TMPRSS6: variants seen among roughly 807,000 people sequenced by gnomAD.
The protein encoded by TMPRSS6 is transmembrane serine protease 6.
Under a neutral mutation model 101.5 loss-of-function variants are expected in TMPRSS6, and 67 were observed. The observed-to-expected ratio is 0.66, with a 90% CI of 0.54 to 0.81. The LOEUF (loss-of-function observed/expected upper bound fraction) is 0.81, where lower values mean the gene tolerates loss of function less well. Among genes scored for constraint, TMPRSS6 ranks in the 30% least tolerant of loss-of-function variants. The probability of loss-of-function intolerance (pLI) is 0.00; values close to 1 mark genes in which losing one functional copy is unlikely to be tolerated. For missense variants in TMPRSS6, 1,034 were observed against 1,088.7 expected (o/e 0.95, Z 0.71); for synonymous variants, 453 against 464.9 (o/e 0.97, Z 0.33).
intron 5 of TMPRSS6, 85 bp downstream of exon 5, chr22:37,095,821 G>T: frequency 6.4e-7 from 1 of 1,559,674 alleles, no homozygotes. Flanking sequence ...CCCCAGGCCT[G>T]GCAGGCAGCC....
At chr22:37,105,718 G>A (rs1930674367) in intron 1 of TMPRSS6, among the ~76,000 whole-genome samples, 1 of 152,218 alleles carries the variant, frequency 6.6e-6, no homozygotes, top group Non-Finnish European at 1.5e-5. Flanking sequence ...CACCCAGGCT[G>A]GAGTATGGTA....
intron 3 of TMPRSS6, 73 bp from the exon 4 acceptor site, chr22:37,096,788 C>T (rs1929804230): frequency 1.4e-6 from 2 of 1,421,696 alleles, no homozygotes; most frequent in Non-Finnish European, 1.9e-6. Context: ...CCTGGAGGTG[C>T]CCTTTGCTCC....
intron 6 of TMPRSS6, among the ~76,000 whole-genome samples, chr22:37,093,551 C>T (rs1370394992): frequency 2.7e-5 from 4 of 150,354 alleles, no homozygotes; most frequent in African/African-American, 7.3e-5. Flanking sequence ...TACAGGTGCG[C>T]ACCACCATGC....
chr22:37,084,157 C>G, intron 10 of TMPRSS6, 138 bp downstream of exon 10: 1 of 780,394 alleles, frequency 1.3e-6, no homozygotes, highest in Non-Finnish European at 2.2e-6. Flanking sequence ...CTGACACCAG[C>G]CCCAGCCTCT....
chr22:37,072,742 CGGATGGATGGAT>C (rs556556999), intron 13 of TMPRSS6, among the ~76,000 whole-genome samples: 4 of 55,572 alleles, frequency 7.2e-5, no homozygotes, highest in African/African-American at 3.0e-4. Context: ...GGATGATGGA[CGGATGGATGGAT>C]GGATAGATGG....
intron 6 of TMPRSS6, among the ~76,000 whole-genome samples, chr22:37,094,974 C>T (rs1049941671): frequency 6.6e-6 from 1 of 152,278 alleles, no homozygotes; most frequent in South Asian, 2.1e-4. Context: ...CCTTGTGCAG[C>T]GTGGTGACTG....
In TMPRSS6 at chr22:37,084,816, C is replaced by A. The variant is rs1464560925; in HGVS notation, c.997G>T (p.Asp333Tyr). Residue 333 changes from aspartate (D) to tyrosine (Y), a missense_variant, in exon 9 of 18, where the codon GAC becomes TAC. Transcript: ENST00000676104. ...FQACEVNLTL[D>Y]NRLDSQGVLS... ...ACGCCCTGGGAGTCGAGCCTGTTGT[C>A]CAGCGTCAGGTTCACTTCACAGGCT... is the stretch of plus-strand genomic sequence containing the variant. The A allele has an allele frequency of 1.3e-6, 2 of 1,557,106 alleles. No individual in the cohort carries two copies. Among genetic ancestry groups the A allele is most frequent in the East Asian group, 4.8e-5 (2 of 41,704 alleles).
chr22:37,087,076 C>T (rs1018745993), intron 7 of TMPRSS6, among the ~76,000 whole-genome samples: 2 of 152,148 alleles, frequency 1.3e-5, no homozygotes, highest in Admixed American at 6.5e-5. Context: ...CAGAGATAGG[C>T]CTGCGCTAGG....
In TMPRSS6 at chr22:37,084,402, C is replaced by T. The variant is rs757116898; in HGVS notation, c.1089G>A (p.Val363=). The T allele has an allele frequency of 1.2e-6, 2 of 1,610,940 alleles. No individual in the cohort carries two copies. The highest frequency in any genetic ancestry group is 1.1e-5 in the South Asian group (1 of 90,472). ...GGGCCAAGCCGTAGTCCAGAGAGGGCACCTGGGAGGGAGGAGCGGGCCATC... is the reference window on the plus strand; with the variant it reads ...GGGCCAAGCCGTAGTCCAGAGAGGGTACCTGGGAGGGAGGAGCGGGCCATC... The part of the protein sequence containing the change: ...PQTHCSWHLT[V]PSLDYGLALW... The change falls in exon 10 of 18, where the codon GTG becomes GTA. Residue 363 remains valine (V), a splice_region_variant and synonymous_variant. Coordinates refer to ENST00000676104, the MANE Select transcript of TMPRSS6 (RefSeq NM_001374504.1).
Position 37,084,744 on chromosome 22 carries a change from A to T in TMPRSS6, c.1069T>A (p.Cys357Ser), listed in dbSNP as rs886057492. ...FPSYYSPQTH[C>S]SWHLTVPSLD... ...GGTCTCACCGTGAGGTGCCAGGAGC[A>T]GTGGGTTTGGGGCGAGTAGTAGCTG... is the stretch of plus-strand genomic sequence containing the variant. The change falls in exon 9 of 18, where the codon TGC becomes AGC. Residue 357 changes from cysteine to serine, a missense_variant. Transcript: ENST00000676104. 6.4e-7 allele frequency: 1 copy of T among 1,564,442 alleles called. No individual in the cohort carries two copies. Among genetic ancestry groups the T allele is most frequent in the Non-Finnish European group, 8.7e-7 (1 of 1,154,158 alleles).
intron 15 of TMPRSS6, among the ~76,000 whole-genome samples, 172 bp downstream of exon 15, chr22:37,070,312 G>A (rs887943845): frequency 1.3e-5 from 2 of 152,130 alleles, no homozygotes; most frequent in Non-Finnish European, 2.9e-5. Context: ...ATGTGTCCGG[G>A]GACCCAGAAG....
In TMPRSS6 at chr22:37,103,261, G is replaced by T. The variant is rs199752618; in HGVS notation, c.157C>A (p.Leu53Met). 1.8e-5 allele frequency: 29 copies of T among 1,614,016 alleles called. No homozygotes were observed. Among genetic ancestry groups the T allele is most frequent in the Non-Finnish European group, 2.3e-5 (27 of 1,179,978 alleles). ...ACCCCCGCCGAAGCCAGCACGAGCA[G>T]GGCCAGCAGCACAAACAGGGGCACC... Reference protein sequence around the residue: ...RLVPLFVLLALLVLASAGVLL... With the variant: ...RLVPLFVLLAMLVLASAGVLL... Residue 53 changes from leucine to methionine, a missense_variant, in exon 2 of 18, where the codon CTG becomes ATG. Physicochemically the swap from Leu to Met is conservative, Grantham distance 15 (BLOSUM62 2). Coordinates refer to ENST00000676104, the MANE Select transcript of TMPRSS6 (RefSeq NM_001374504.1). The surrounding 1 kb of genome is among the most constrained non-coding windows in gnomAD (Gnocchi z 4.4).
chr22:37,079,017 G>GAAAGAAAGAAAGAA (rs374910501), intron 10 of TMPRSS6, among the ~76,000 whole-genome samples: 9 of 93,308 alleles, frequency 9.6e-5, no homozygotes, highest in Admixed American at 4.5e-4. Flanking sequence ...AAGAAAGAAA[G>GAAAGAAAGAAAGAA]AGAAAGAGAG....
chr22:37,075,857 G>A (rs774926619), intron 10 of TMPRSS6, among the ~76,000 whole-genome samples: 6 of 152,058 alleles, frequency 3.9e-5, no homozygotes, highest in African/African-American at 1.4e-4. Context: ...AGCCGAGATC[G>A]TGCCATTGCA....
chr22:37,077,330 T>C (rs1295102509), intron 10 of TMPRSS6, among the ~76,000 whole-genome samples: 5 of 152,072 alleles, frequency 3.3e-5, no homozygotes, highest in African/African-American at 1.2e-4. Context: ...AGCTCTGAGG[T>C]CTGAGCCCCC....
chr22:37,091,893 C>T (rs1929297041), intron 6 of TMPRSS6, among the ~76,000 whole-genome samples: 2 of 152,148 alleles, frequency 1.3e-5, no homozygotes, highest in South Asian at 4.1e-4. Context: ...GTGGCTCAGC[C>T]CCTTCTCCCT....
In TMPRSS6 at chr22:37,073,653, G is replaced by A; in HGVS notation, c.1442-8C>T. On this transcript the variant is annotated splice_polypyrimidine_tract_variant and splice_region_variant and intron_variant, in intron 12 of 17. Transcript: ENST00000676104. ...GGAATGTGGCTCTGCAAACTGTGTGGGGACACAGAGAGGGGACAGGTGGGA... is the reference window on the plus strand; with the variant it reads ...GGAATGTGGCTCTGCAAACTGTGTGAGGACACAGAGAGGGGACAGGTGGGA... 6.2e-7 allele frequency: 1 copy of A among 1,600,372 alleles called. No homozygotes were observed.
chr22:37,086,182 C>T (rs1376321989), intron 8 of TMPRSS6, 101 bp downstream of exon 8: 5 of 1,514,882 alleles, frequency 3.3e-6, no homozygotes, highest in East Asian at 2.3e-5. Context: ...CTCCCCATCC[C>T]ATCCTCAATT....
chr22:37,091,503 C>A (rs970469309), intron 6 of TMPRSS6, among the ~76,000 whole-genome samples: 2 of 152,132 alleles, frequency 1.3e-5, no homozygotes, highest in African/African-American at 4.8e-5. Flanking sequence ...CCCCACCTAG[C>A]ACCAACACTC....
Sources: allele counts gnomAD v4.1 joint callset (sites outside exome capture counted in the v4.1 genomes callset), GRCh38; gene constraint gnomAD v4.1.1; non-coding constraint Gnocchi (gnomAD v3.1); transcripts MANE v1.5; gene names NCBI Gene and HGNC (gene_info 2026-07-23, HGNC 2026-07-21).